The following NCKAP5 variants were observed in gnomAD, a reference collection of about 807,000 sequenced individuals.
NCKAP5 encodes the protein NCK associated protein 5.
A neutral mutation model predicts 167.0 loss-of-function variants in NCKAP5; 92 were observed. The ratio of observed to expected loss-of-function variants is 0.55; its 90% confidence interval spans 0.47 to 0.66. NCKAP5 has a LOEUF of 0.66. Ranked by LOEUF, NCKAP5 falls within the 30% of genes least tolerant of loss-of-function variation. The pLI, the probability that NCKAP5 is intolerant of heterozygous loss-of-function variation, is 0.00. For missense variants in NCKAP5, 2,378 were observed against 2,315.0 expected (o/e 1.03, Z -0.56); for synonymous variants, 891 against 877.4 (o/e 1.02, Z -0.27).
chr2:133,524,709 T>C (rs1684727212), intron 2 of NCKAP5, among the ~76,000 whole-genome samples: 1 of 152,180 alleles, frequency 6.6e-6, no homozygotes, highest in African/African-American at 2.4e-5. Flanking sequence ...TGTATTGAAA[T>C]CTTTTTATTC....
chr2:132,911,685 A>T (rs1694462151), intron 8 of NCKAP5, among the ~76,000 whole-genome samples: 1 of 152,232 alleles, frequency 6.6e-6, no homozygotes, highest in Admixed American at 6.5e-5. Flanking sequence ...TTTCCCACAC[A>T]GAAGGACATA....
At chr2:132,916,877 G>A (rs1213370136) in intron 8 of NCKAP5, among the ~76,000 whole-genome samples, 3 of 150,530 alleles carry the variant, frequency 2.0e-5, no homozygotes, top group African/African-American at 7.3e-5. Context: ...TGTGATGTAG[G>A]TTAGCATGTG....
At chr2:132,978,935 C>A (rs1308610858) in intron 7 of NCKAP5, among the ~76,000 whole-genome samples, 1 of 152,148 alleles carries the variant, frequency 6.6e-6, no homozygotes, top group Non-Finnish European at 1.5e-5. Flanking sequence ...AAAGATTATG[C>A]CAGACACTGA....
intron 6 of NCKAP5, among the ~76,000 whole-genome samples, chr2:133,033,275 G>A (rs2078938391): frequency 6.6e-6 from 1 of 152,226 alleles, no homozygotes; most frequent in South Asian, 2.1e-4. Context: ...GTACCTCTAT[G>A]AGTCTGCAAG....
intron 3 of NCKAP5, among the ~76,000 whole-genome samples, chr2:133,508,889 T>C (rs1044635753): frequency 6.6e-6 from 1 of 152,246 alleles, no homozygotes; most frequent in Non-Finnish European, 1.5e-5. Flanking sequence ...AGAAGCAGTC[T>C]CATTTCATCA....
intron 2 of NCKAP5, among the ~76,000 whole-genome samples, chr2:133,556,457 G>A (rs1303011007): frequency 6.6e-6 from 1 of 151,986 alleles, no homozygotes; most frequent in Non-Finnish European, 1.5e-5. Flanking sequence ...TTCTTTAAAC[G>A]CCCCACGTGG....
chr2:132,903,643 CAG>C (rs1693791035), intron 8 of NCKAP5, among the ~76,000 whole-genome samples: 1 of 152,098 alleles, frequency 6.6e-6, no homozygotes, highest in African/African-American at 2.4e-5. Context: ...TTTCATGTCA[CAG>C]GGGAAACAGA....
intron 5 of NCKAP5, among the ~76,000 whole-genome samples, chr2:133,179,373 T>G (rs1415095672): frequency 1.3e-5 from 2 of 151,818 alleles, no homozygotes; most frequent in Non-Finnish European, 2.9e-5. Context: ...TTGGAGCATT[T>G]TCAATTAAGG....
intron 3 of NCKAP5, among the ~76,000 whole-genome samples, chr2:133,377,072 G>C (rs1686195847): frequency 6.6e-6 from 1 of 152,154 alleles, no homozygotes; most frequent in African/African-American, 2.4e-5. Flanking sequence ...TACAAAAAAA[G>C]AAAATTCTTA....
the NCKAP5 span, among the ~76,000 whole-genome samples, chr2:133,628,212 T>C: frequency 6.6e-6 from 1 of 152,188 alleles, no homozygotes; most frequent in Non-Finnish European, 1.5e-5. Flanking sequence ...TGTCTCTGTT[T>C]GTAGATGACA....
At chr2:132,687,199 G>A (rs1451626357) in intron 19 of NCKAP5, among the ~76,000 whole-genome samples, 1 of 152,166 alleles carries the variant, frequency 6.6e-6, no homozygotes, top group Non-Finnish European at 1.5e-5. Context: ...CTTCAGTGGG[G>A]TCCATCCCTA....
chr2:132,843,948 A>C (rs896104546), intron 11 of NCKAP5, among the ~76,000 whole-genome samples: 1 of 151,848 alleles, frequency 6.6e-6, no homozygotes, highest in African/African-American at 2.4e-5. Flanking sequence ...CCTTTCCCCA[A>C]TCTGGTAGGT....
At chr2:132,681,597 G>T (rs1204517079) in intron 19 of NCKAP5, among the ~76,000 whole-genome samples, 1 of 151,980 alleles carries the variant, frequency 6.6e-6, no homozygotes, top group African/African-American at 2.4e-5. Flanking sequence ...TGTGGATCAG[G>T]TGAATATAAA....
chr2:132,846,131 G>C (rs1046649869), intron 11 of NCKAP5, among the ~76,000 whole-genome samples: 1 of 151,884 alleles, frequency 6.6e-6, no homozygotes, highest in Non-Finnish European at 1.5e-5. Context: ...TAATATCAGC[G>C]TACCTTGGTG....
intron 8 of NCKAP5, among the ~76,000 whole-genome samples, chr2:132,909,448 G>T (rs1325321506): frequency 2.0e-5 from 3 of 152,078 alleles, no homozygotes; most frequent in African/African-American, 4.8e-5. Flanking sequence ...AATTTCCCAG[G>T]CAGCAATCTC....
At chr2:133,132,516 C>CACAAAA (rs374197642) in intron 5 of NCKAP5, among the ~76,000 whole-genome samples, 1 of 146,406 alleles carries the variant, frequency 6.8e-6, no homozygotes, top group African/African-American at 2.6e-5. Context: ...CACACACACA[C>CACAAAA]AAACCCTGAT....
chr2:133,599,279 G>A, the NCKAP5 span, among the ~76,000 whole-genome samples: 2 of 152,208 alleles, frequency 1.3e-5, no homozygotes, highest in Admixed American at 1.3e-4. Flanking sequence ...CATCCTAGAA[G>A]GCACTTTGAG....
intron 3 of NCKAP5, among the ~76,000 whole-genome samples, chr2:133,372,233 G>A (rs535734399): frequency 6.6e-6 from 1 of 152,272 alleles, no homozygotes; most frequent in Admixed American, 6.5e-5. Context: ...GGAAAACTAT[G>A]TGGCTGGTTT....
chr2:133,463,576 GA>G (rs1692334920), intron 3 of NCKAP5, among the ~76,000 whole-genome samples: 1 of 152,162 alleles, frequency 6.6e-6, no homozygotes, highest in African/African-American at 2.4e-5. Flanking sequence ...AAAGTTACTA[GA>G]ACCAAGTTTT....
Sources: gnomAD v4.1 joint callset for allele counts (sites outside exome capture counted in the v4.1 genomes callset) on GRCh38, gnomAD v4.1.1 for gene constraint, MANE v1.5 for transcripts, NCBI Gene and HGNC (gene_info 2026-07-23, HGNC 2026-07-21) for gene names.